The following COBL variants were observed in gnomAD, a reference collection of about 807,000 sequenced individuals.
The protein encoded by COBL is protein cordon-bleu.
COBL carries 51 observed loss-of-function variants against 98.8 expected under a neutral mutation model. The ratio of observed to expected loss-of-function variants is 0.52; its 90% confidence interval spans 0.41 to 0.65. COBL has a LOEUF of 0.65. COBL is among the 30% of genes least tolerant of loss of function. COBL has a pLI of 0.00. For missense variants in COBL, 1,617 were observed against 1,617.5 expected, an observed-to-expected ratio of 1.00 and a Z score of 0.01; for synonymous variants, 634 against 651.7, an observed-to-expected ratio of 0.97 and a Z score of 0.41.
intron 6 of COBL, among the ~76,000 whole-genome samples, chr7:51,125,828 T>C (rs150418444): frequency 6.6e-6 from 1 of 152,222 alleles, no homozygotes; most frequent in Admixed American, 6.5e-5. Flanking sequence ...ATTCAAGTCC[T>C]GTCTTCTGGG....
At chr7:51,133,493 T>G (rs773550208) in intron 6 of COBL, among the ~76,000 whole-genome samples, 2 of 152,078 alleles carry the variant, frequency 1.3e-5, no homozygotes, top group Non-Finnish European at 2.9e-5. Context: ...CGGCAGCACT[T>G]AAGATGCAAA....
intron 6 of COBL, among the ~76,000 whole-genome samples, chr7:51,122,669 A>C (rs2128991394): frequency 1.3e-5 from 2 of 152,332 alleles, no homozygotes; most frequent in African/African-American, 4.8e-5. Context: ...TATGCTTTAC[A>C]TCTGGCACAT....
intron 1 of COBL, among the ~76,000 whole-genome samples, chr7:51,302,650 A>G (rs900704793): frequency 6.6e-6 from 1 of 151,656 alleles, no homozygotes; most frequent in Admixed American, 6.6e-5. Context: ...TAATCCCAAC[A>G]CTTTGGGGAG....
intron 4 of COBL, among the ~76,000 whole-genome samples, chr7:51,188,708 C>T (rs755543453): frequency 2.6e-5 from 4 of 152,190 alleles, no homozygotes; most frequent in Non-Finnish European, 4.4e-5. Context: ...GCCAAGCTGA[C>T]CGCACCGGCT....
chr7:51,288,341 A>T (rs1442112130), intron 1 of COBL, among the ~76,000 whole-genome samples: 1 of 151,056 alleles, frequency 6.6e-6, no homozygotes, highest in Non-Finnish European at 1.5e-5. Flanking sequence ...GGCTGAAACA[A>T]GAGAATTGCT....
intron 6 of COBL, among the ~76,000 whole-genome samples, chr7:51,126,381 C>T (rs1798206385): frequency 6.6e-6 from 1 of 152,158 alleles, no homozygotes; most frequent in African/African-American, 2.4e-5. Flanking sequence ...GTGGCCAGCA[C>T]CGAATAGAGC....
chr7:51,191,093 A>G lies in COBL; in HGVS notation c.457-15T>C, dbSNP rs10271208. ...CGCACAGATTTCTGGAAGAACACAC[A>G]GGCAAAAAGAATTCAGTAAGATATC... On this transcript the variant is annotated splice_polypyrimidine_tract_variant and intron_variant, in intron 3 of 12. Transcript: ENST00000265136. 0.018 allele frequency: 28,680 copies of G among 1,609,106 alleles called. 1,806 individuals carry two copies. The highest frequency in any genetic ancestry group is 0.14 in the South Asian group (12,535 of 90,150).
intron 5 of COBL, among the ~76,000 whole-genome samples, chr7:51,170,234 C>T (rs1181820082): frequency 6.6e-6 from 1 of 151,722 alleles, no homozygotes; most frequent in Non-Finnish European, 1.5e-5. Context: ...CACAACTCTA[C>T]TTATCAGTTT....
chr7:51,206,427 G>T (rs996435160), intron 2 of COBL, among the ~76,000 whole-genome samples: 4 of 150,108 alleles, frequency 2.7e-5, no homozygotes, highest in Non-Finnish European at 5.9e-5. Flanking sequence ...AGGAGGCAAA[G>T]ATTGCACTGA....
intron 5 of COBL, among the ~76,000 whole-genome samples, chr7:51,138,302 C>G (rs1428239755): frequency 6.6e-6 from 1 of 152,200 alleles, no homozygotes; most frequent in African/African-American, 2.4e-5. Context: ...ATAGTCATTA[C>G]TAAGCAAATA....
chr7:51,134,735 T>C (rs941390043), intron 6 of COBL, among the ~76,000 whole-genome samples: 6 of 152,162 alleles, frequency 3.9e-5, no homozygotes, highest in African/African-American at 7.2e-5. Flanking sequence ...ATGGTCTGCA[T>C]ATTATAAAAA....
intron 2 of COBL, among the ~76,000 whole-genome samples, chr7:51,206,479 G>A (rs567728023): frequency 8.7e-4 from 126 of 144,152 alleles, no homozygotes; most frequent in African/African-American, 3.0e-3. Flanking sequence ...TTGACAGAGC[G>A]AGACTCTGTC....
intron 1 of COBL, among the ~76,000 whole-genome samples, chr7:51,261,811 T>G (rs1012124845): frequency 6.6e-6 from 1 of 152,084 alleles, no homozygotes; most frequent in Non-Finnish European, 1.5e-5. Flanking sequence ...CTACAAAAAT[T>G]AGCTGGGAAT....
chr7:51,162,248 G>C (rs899109657), intron 5 of COBL, among the ~76,000 whole-genome samples: 7 of 152,098 alleles, frequency 4.6e-5, no homozygotes, highest in Non-Finnish European at 1.0e-4. Context: ...AGAGTCCCCC[G>C]CAGGTGTCCA....
At chr7:51,316,359 C>A in intron 1 of COBL, 2 of 320,462 alleles carry the variant, frequency 6.2e-6, no homozygotes, top group East Asian at 1.0e-4. Flanking sequence ...TGCGCTCCGG[C>A]CCCGGCCCGA....
intron 1 of COBL, among the ~76,000 whole-genome samples, chr7:51,225,719 G>A (rs1473666205): frequency 6.6e-6 from 1 of 152,182 alleles, no homozygotes. Flanking sequence ...CTAAGTTTCA[G>A]GATGACGCTT....
chr7:51,230,072 G>A (rs543115426), intron 1 of COBL, among the ~76,000 whole-genome samples: 12 of 152,142 alleles, frequency 7.9e-5, no homozygotes, highest in East Asian at 5.8e-4. Flanking sequence ...GGTTGACCTC[G>A]CTCCCCCAGC....
chr7:51,034,070 C>A, intron 8 of COBL: 1 of 152,986 alleles, frequency 6.5e-6, no homozygotes, highest in Non-Finnish European at 1.5e-5. Context: ...GTCCTTCATC[C>A]CTGTGTTTTT....
intron 2 of COBL, among the ~76,000 whole-genome samples, chr7:51,214,688 C>A (rs1160111656): frequency 6.6e-6 from 1 of 152,126 alleles, no homozygotes; most frequent in Non-Finnish European, 1.5e-5. Flanking sequence ...GCCCAGTTAC[C>A]CTTAAAATCA....
Sources: allele counts gnomAD v4.1 joint callset (sites outside exome capture counted in the v4.1 genomes callset), GRCh38; gene constraint gnomAD v4.1.1; transcripts MANE v1.5; gene names NCBI Gene and HGNC (gene_info 2026-07-23, HGNC 2026-07-21).